INTS1: variants seen among roughly 807,000 people sequenced by gnomAD.
INTS1 encodes integrator complex subunit 1.
INTS1 carries 137 observed loss-of-function variants against 241.6 expected under a neutral mutation model. The observed-to-expected ratio is 0.57, with a 90% confidence interval of 0.49 to 0.65. The LOEUF is 0.65. Among genes scored for constraint, INTS1 ranks in the 30% least tolerant of loss-of-function variants. The probability of loss-of-function intolerance (pLI) is 0.00; values close to 1 mark genes in which losing one functional copy is unlikely to be tolerated. For missense variants in INTS1, 3,073 were observed against 3,032.2 expected (o/e 1.01, Z -0.32); for synonymous variants, 1,692 against 1,337.8 (o/e 1.26, Z -5.78).
At chr7:1,504,150 G>A (rs969399185) in intron 1 of INTS1, 149 bp from the exon 2 acceptor site, 11 of 558,670 alleles carry the variant, frequency 2.0e-5, no homozygotes, top group Middle Eastern at 9.5e-4. Flanking sequence ...GAGCTGCAGG[G>A]ACCCCGCCTC....
intron 16 of INTS1, among the ~76,000 whole-genome samples, chr7:1,490,408 G>T (rs976066855): frequency 6.6e-6 from 1 of 151,900 alleles, no homozygotes; most frequent in African/African-American, 2.4e-5. Flanking sequence ...TGTCGGCTCC[G>T]GATAAACGGG....
At chr7:1,502,076 G>A (rs1033421425) in intron 3 of INTS1, among the ~76,000 whole-genome samples, 1 of 152,146 alleles carries the variant, frequency 6.6e-6, no homozygotes, top group Non-Finnish European at 1.5e-5. Context: ...CAAGGCCACA[G>A]CCCACAAGTC....
At chr7:1,474,682 G>A (rs1228459797) in intron 40 of INTS1, 23 bp downstream of exon 40, 2 of 1,551,076 alleles carry the variant, frequency 1.3e-6, no homozygotes, top group Admixed American at 1.9e-5. Flanking sequence ...TGTCTGGCGA[G>A]GGCAGGGCTT....
intron 35 of INTS1, 82 bp downstream of exon 35, chr7:1,477,468 C>G: frequency 7.0e-7 from 1 of 1,431,102 alleles, no homozygotes; most frequent in Non-Finnish European, 9.2e-7. Flanking sequence ...AAGGCTCGCC[C>G]AGGCCAAGGC....
At position 1,474,773 on chromosome 7, in the gene INTS1, C is replaced by T. The variant is rs373798063; in HGVS notation, c.5568G>A (p.Glu1856=). 3.2e-6 allele frequency: 5 copies of T among 1,576,902 alleles called. No homozygotes were observed. Among genetic ancestry groups the T allele is most frequent in the East Asian group, 2.3e-5 (1 of 42,840 alleles). Residue 1856 remains glutamate, a synonymous_variant, in exon 40 of 48, where the codon GAG becomes GAA. Transcript: ENST00000404767. ...LADTSDSRAL[E]NRGADASMAC... ...CCATGCTGGCATCCGCCCCTCGGTT[C>T]TCCAACGCCCGGGAGTCGCTGGTGT...
intron 22 of INTS1, 90 bp from the exon 23 acceptor site, chr7:1,485,559 G>A: frequency 7.5e-7 from 1 of 1,338,092 alleles, no homozygotes; most frequent in Non-Finnish European, 1.0e-6. Flanking sequence ...GGTGCCCTCA[G>A]AGCCCCGAGG....
In INTS1 at chr7:1,486,788, G is replaced by T. The variant is rs1461533318; in HGVS notation, c.2827-14C>A. ...CTTCTGTTGCCTCTGCAGGGAGGAA[G>T]GGGCTCTCAGGGGTGCAGGTGACAG... On this transcript the variant is annotated splice_polypyrimidine_tract_variant and intron_variant, in intron 21 of 47. Transcript: ENST00000404767. The T allele has an allele frequency of 1.2e-6, 2 of 1,610,730 alleles. No homozygotes were observed. Among genetic ancestry groups the T allele is most frequent in the African/African-American group, 2.7e-5 (2 of 74,842 alleles).
At chr7:1,483,551 C>A (rs918116142) in intron 26 of INTS1, 191 bp downstream of exon 26, 2 of 633,296 alleles carry the variant, frequency 3.2e-6, no homozygotes, top group Non-Finnish European at 5.8e-6. Flanking sequence ...TCCCACACGT[C>A]CACCAAGTGC....
rs369398736 is a variant in INTS1 at position 1,484,094 on chromosome 7, G to A, written c.3338C>T (p.Ser1113Leu). The change falls in exon 25 of 48, where the codon TCG becomes TTG. Residue 1113 changes from serine to leucine, a missense_variant. Coordinates refer to ENST00000404767, the MANE Select transcript of INTS1 (RefSeq NM_001080453.3). ...CAACAGAGCGCTCAGCACGGCGTCC[G>A]ACGCGGCACTCGGGGAGAGCTTCGA... ...LFSKLSPSAASDAVLSALLSI... is the reference protein window; with the variant it reads ...LFSKLSPSAALDAVLSALLSI... 17 of 1,612,432 alleles carry A rather than the reference G, an allele frequency of 1.1e-5. No homozygotes were observed. The highest frequency in any genetic ancestry group is 3.3e-5 in the Admixed American group (2 of 59,998).
At chr7:1,500,062 C>T (rs1211103608) in intron 4 of INTS1, 41 bp from the exon 5 acceptor site, 1 of 1,605,216 alleles carries the variant, frequency 6.2e-7, no homozygotes, top group Non-Finnish European at 8.5e-7. Context: ...CTTCGCTGGC[C>T]CCAGAGGCAA....
Position 1,479,692 on chromosome 7 carries a change from G to C in INTS1, c.4075-8C>G. On this transcript the variant is annotated splice_region_variant and splice_polypyrimidine_tract_variant and intron_variant, in intron 30 of 47. Coordinates refer to ENST00000404767, the MANE Select transcript of INTS1 (RefSeq NM_001080453.3). ...CGGGCTGAGCGGGAAAATCTGGAAC[G>C]GGGAAGGCCAGTGTCAGGAGGAAGC... is the stretch of plus-strand genomic sequence containing the variant. 1.4e-6 allele frequency: 2 copies of C among 1,458,918 alleles called. No individual in the cohort carries two copies. Among genetic ancestry groups the C allele is most frequent in the South Asian group, 1.4e-5 (1 of 70,386 alleles). The allele number at this position is 1,458,918 out of a possible 1,614,324, so 90.4% of individuals were successfully genotyped here.
chr7:1,475,073 G>A (rs570722909), intron 39 of INTS1, among the ~76,000 whole-genome samples: 5 of 152,224 alleles, frequency 3.3e-5, no homozygotes, highest in African/African-American at 1.2e-4. Context: ...TACAATGAGC[G>A]GGAAACAAGC....
In INTS1 at chr7:1,495,551, G is replaced by A. The variant is rs1338224259; in HGVS notation, c.1714C>T (p.Leu572=). ...IAWDKGEKRN[L]EVLRSFQNQI... ...TTCTGGAATGAGCGGAGCACTTCCA[G>A]GTCTGAAACAGACACGCAGCTTAGT... Residue 572 remains leucine (L), a splice_region_variant and synonymous_variant, in exon 13 of 48, where the codon CTG becomes TTG. Coordinates refer to ENST00000404767, the MANE Select transcript of INTS1 (RefSeq NM_001080453.3). The A allele has an allele frequency of 2.5e-6, 4 of 1,609,384 alleles. No individual in the cohort carries two copies. Among genetic ancestry groups the A allele is most frequent in the Admixed American group, 1.7e-5 (1 of 59,678 alleles).
At position 1,489,501 on chromosome 7, in the gene INTS1, C is replaced by T. The variant is rs1346524086; in HGVS notation, c.2257+90G>A. The T allele has an allele frequency of 1.8e-5, 27 of 1,535,600 alleles. No individual in the cohort carries two copies. The East Asian group carries it at 4.1e-4, about 23-fold the overall frequency. On this transcript the variant is annotated intron_variant, in intron 17 of 47. Coordinates refer to ENST00000404767, the MANE Select transcript of INTS1 (RefSeq NM_001080453.3). The stretch of plus-strand genomic sequence containing the variant: ...GCTCCTCCTCTCATCCCCAGCTGGG[C>T]TCATCCCAAGTCCCAACAGACAAAC...
At position 1,477,574 on chromosome 7, in the gene INTS1, G is replaced by C. The variant is rs771351004; in HGVS notation, c.4914C>G (p.Leu1638=). Reference sequence around the variant, plus strand: ...CCTTCCTCCGGGAGAAGAGCAGCCTGAGCTGCAGGTCGGGGCAGCTGCTGA... The same window carrying C: ...CCTTCCTCCGGGAGAAGAGCAGCCTCAGCTGCAGGTCGGGGCAGCTGCTGA... ...EVVSSCPDLQ[L]RLLFSRRKGK... The change falls in exon 35 of 48, where the codon CTC becomes CTG. Residue 1638 remains leucine (L), a synonymous_variant. Coordinates refer to ENST00000404767, the MANE Select transcript of INTS1 (RefSeq NM_001080453.3). 5.8e-6 allele frequency: 9 copies of C among 1,545,054 alleles called. No individual in the cohort carries two copies. The highest frequency in any genetic ancestry group is 7.8e-6 in the Non-Finnish European group (9 of 1,146,912).
chr7:1,500,299 C>G lies in INTS1; in HGVS notation c.417G>C (p.Glu139Asp). 1 of 1,593,898 alleles carries G rather than the reference C, an allele frequency of 6.3e-7. No homozygotes were observed. The highest frequency in any genetic ancestry group is 1.1e-5 in the South Asian group (1 of 88,508). ...GCTTCACGGCCCCGCACAGCACGCC[C>G]TCGATCCTGTCATCGTTGCCCTCCA... is the stretch of plus-strand genomic sequence containing the variant. ...AELEGNDDRI[E>D]GVLCGAVKQL... The change falls in exon 4 of 48, where the codon GAG becomes GAC. Residue 139 changes from glutamate to aspartate, a missense_variant. By Grantham distance (45) the Glu-to-Asp change is conservative. Coordinates refer to ENST00000404767, the MANE Select transcript of INTS1 (RefSeq NM_001080453.3).
Position 1,499,563 on chromosome 7 carries a change from T to C in INTS1, c.754A>G (p.Asn252Asp). Residue 252 changes from asparagine to aspartate, a missense_variant, in exon 6 of 48, where the codon AAC becomes GAC. Asn to Asp is a conservative substitution (Grantham distance 23). Transcript: ENST00000404767. ...CTGGTGTTGAAGGCCGTCTGGATGTTGTCCACAAACGTCTTACAGTGAGGG... is the reference window on the plus strand; with the variant it reads ...CTGGTGTTGAAGGCCGTCTGGATGTCGTCCACAAACGTCTTACAGTGAGGG... ...DSPHCKTFVD[N>D]IQTAFNTRMP... 4.3e-6 allele frequency: 7 copies of C among 1,613,502 alleles called. No homozygotes were observed. Among genetic ancestry groups the C allele is most frequent in the Non-Finnish European group, 5.9e-6 (7 of 1,179,680 alleles).
At chr7:1,483,488 A>G in intron 26 of INTS1, 1 of 559,564 alleles carries the variant, frequency 1.8e-6, no homozygotes, top group Non-Finnish European at 3.2e-6. Context: ...AGGCTGTACC[A>G]GGCCCTCCAG....
Position 1,470,904 on chromosome 7 carries a change from G to A in INTS1, c.6399C>T (p.Asp2133=). ...GGAGGGCCGTCTGCACCACCTCAAA[G>A]TCCTGGCTGCCCAGGCAGTACATGA... is the stretch of plus-strand genomic sequence containing the variant. ...PTFMYCLGSQ[D]FEVVQTALRN... The change falls in exon 47 of 48, where the codon GAC becomes GAT. Residue 2133 remains aspartate (D), a synonymous_variant. Coordinates refer to ENST00000404767, the MANE Select transcript of INTS1 (RefSeq NM_001080453.3). 1 of 1,591,416 alleles carries A rather than the reference G, an allele frequency of 6.3e-7. No homozygotes were observed. Among genetic ancestry groups the A allele is most frequent in the Non-Finnish European group, 8.5e-7 (1 of 1,169,918 alleles).
Sources: allele counts gnomAD v4.1 joint callset (sites outside exome capture counted in the v4.1 genomes callset), GRCh38; gene constraint gnomAD v4.1.1; transcripts MANE v1.5; gene names NCBI Gene and HGNC (gene_info 2026-07-23, HGNC 2026-07-21).